The following HDAC9 variants were observed in gnomAD, a reference collection of about 807,000 sequenced individuals.
The protein encoded by HDAC9 is histone deacetylase 9, also known as MEF-2 interacting transcription repressor (MITR) protein.
Under a neutral mutation model 139.4 loss-of-function variants are expected in HDAC9, and 41 were observed. The observed-to-expected ratio is 0.29, with a 90% confidence interval of 0.23 to 0.38. The LOEUF is 0.38. HDAC9 is among the 10% of genes least tolerant of loss of function. The pLI is 1.00. For synonymous variants in HDAC9, 517 were observed against 476.2 expected (o/e 1.09, Z -1.12); for missense variants, 1,147 against 1,297.0 (o/e 0.88, Z 1.78).
rs114398387 is a variant in HDAC9, at chr7:18,816,023, C to T, written c.2323-13138C>T. Among the ~76,000 whole-genome samples the T allele has an allele frequency of 3.2e-3, 488 of 152,200 alleles. 3 individuals are homozygous for T. Among genetic ancestry groups the T allele is most frequent in the African/African-American group, 0.011 (454 of 41,534 alleles). ...GGTTTAGGGGCTATGTTAGCATATT[C>T]GGAAATATTATGCATATGGTAAACC... On this transcript the variant is annotated intron_variant, in intron 17 of 25. Transcript: ENST00000686413.
At chr7:18,898,167 A>ATTTATTGAGTT (rs1306026539) in intron 22 of HDAC9, among the ~76,000 whole-genome samples, 9 of 151,990 alleles carry the variant, frequency 5.9e-5, no homozygotes, top group Admixed American at 5.2e-4. Context: ...GTTTTAAAAC[A>ATTTATTGAGTT]TTTATTGAGT....
intron 2 of HDAC9, among the ~76,000 whole-genome samples, chr7:18,530,480 G>A (rs565781814): frequency 6.6e-6 from 1 of 151,850 alleles, no homozygotes; most frequent in African/African-American, 2.4e-5. Context: ...ATGCTGTGTA[G>A]CTCTAACAAA....
At chr7:18,798,150 AAAGAGT>A in intron 17 of HDAC9, among the ~76,000 whole-genome samples, 1 of 152,264 alleles carries the variant, frequency 6.6e-6, no homozygotes, top group Admixed American at 6.5e-5. Context: ...AGAGTATAAC[AAAGAGT>A]AAAACAGTCC....
chr7:18,943,077 A>G (rs1259725218), intron 23 of HDAC9, among the ~76,000 whole-genome samples: 1 of 152,090 alleles, frequency 6.6e-6, no homozygotes, highest in Non-Finnish European at 1.5e-5. Context: ...TGTCAAATTT[A>G]AACTTACTTG....
intron 11 of HDAC9, among the ~76,000 whole-genome samples, chr7:18,657,136 T>G (rs1791496582): frequency 6.6e-6 from 1 of 152,142 alleles, no homozygotes; most frequent in African/African-American, 2.4e-5. Context: ...TTATTAGATT[T>G]TTTTCCTGTT....
chr7:18,208,731 T>C lies in HDAC9; in HGVS notation c.25+46382T>C, dbSNP rs1378270883. 2.6e-5 allele frequency among the ~76,000 whole-genome samples: 4 copies of C among 151,752 alleles called. No individual in the cohort carries two copies. The East Asian group carries it at 7.7e-4, about 29-fold the overall frequency. ...ATCATTGATAAGATATAGAAAAAAA[T>C]TTAAAAAAAAATTTTATCTAGCTGT... On this transcript the variant is annotated intron_variant, in intron 2 of 12. Coordinates refer to the HDAC9 transcript ENST00000417496.
intron 21 of HDAC9, among the ~76,000 whole-genome samples, chr7:18,840,619 A>T (rs1044977046): frequency 3.9e-5 from 6 of 152,118 alleles, no homozygotes; most frequent in African/African-American, 1.4e-4. Context: ...TATTTTGGAC[A>T]TATCATTAAC....
At chr7:18,112,662 T>C (rs971088286) in intron 1 of HDAC9, among the ~76,000 whole-genome samples, 13 of 152,350 alleles carry the variant, frequency 8.5e-5, no homozygotes, top group African/African-American at 3.1e-4. Flanking sequence ...TTATATGTTT[T>C]ATTATTATTT....
chr7:18,711,157 A>G (rs1448129971), intron 12 of HDAC9, among the ~76,000 whole-genome samples: 1 of 152,196 alleles, frequency 6.6e-6, no homozygotes, highest in Non-Finnish European at 1.5e-5. Context: ...AAAATTTACA[A>G]ATTCAAAAGA....
intron 8 of HDAC9, among the ~76,000 whole-genome samples, chr7:18,638,152 C>T (rs1015273340): frequency 6.6e-6 from 1 of 152,018 alleles, no homozygotes; most frequent in Non-Finnish European, 1.5e-5. Flanking sequence ...GGTAAGTTTT[C>T]GTATTAAAGT....
rs529015362 is a variant in HDAC9, at chr7:18,374,823, T to C, written c.-42+84308T>C. 7.4e-4 allele frequency among the ~76,000 whole-genome samples: 112 copies of C among 152,052 alleles called. 1 individual carries two copies. Among genetic ancestry groups the C allele is most frequent in the Non-Finnish European group, 9.9e-4 (67 of 68,018 alleles). On this transcript the variant is annotated intron_variant, in intron 1 of 3. Coordinates refer to the HDAC9 transcript ENST00000413509. Reference sequence around the variant, plus strand: ...ATGTTTGGGTCAATGACAGATGGTATGTACAACAGTGGTCCCATAAGATTA... The same window carrying C: ...ATGTTTGGGTCAATGACAGATGGTACGTACAACAGTGGTCCCATAAGATTA...
chr7:18,713,992 C>T (rs1355050443), intron 12 of HDAC9, among the ~76,000 whole-genome samples: 4 of 152,110 alleles, frequency 2.6e-5, no homozygotes, highest in Admixed American at 2.0e-4. Flanking sequence ...ATACTATGAA[C>T]GTTTAAATAA....
chr7:18,255,412 A>T (rs1450718657), intron 2 of HDAC9, among the ~76,000 whole-genome samples: 1 of 152,172 alleles, frequency 6.6e-6, no homozygotes, highest in African/African-American at 2.4e-5. Flanking sequence ...TAGTCATGTG[A>T]CAGCCATAAG....
chr7:18,543,870 G>A (rs1038913718), intron 2 of HDAC9, among the ~76,000 whole-genome samples: 17 of 147,892 alleles, frequency 1.1e-4, no homozygotes, highest in South Asian at 4.3e-4. Flanking sequence ...TCCTGGACTC[G>A]TTCAGTGTAT....
intron 8 of HDAC9, among the ~76,000 whole-genome samples, chr7:18,640,771 G>T (rs1259661596): frequency 1.3e-5 from 2 of 151,928 alleles, no homozygotes; most frequent in Non-Finnish European, 2.9e-5. Context: ...CTTTATGGAT[G>T]CAGAAGTCCA....
chr7:18,825,011 T>G (rs1260357868), intron 17 of HDAC9, among the ~76,000 whole-genome samples: 1 of 152,212 alleles, frequency 6.6e-6, no homozygotes. Context: ...GTCTCTGACT[T>G]GAGCCACTGG....
At chr7:18,650,040 A>C (rs1012831275) in intron 11 of HDAC9, among the ~76,000 whole-genome samples, 3 of 152,124 alleles carry the variant, frequency 2.0e-5, no homozygotes, top group African/African-American at 7.2e-5. Flanking sequence ...TTTTATATCA[A>C]ATCAGTATCT....
chr7:18,967,292 A>T (rs564273889), intron 24 of HDAC9, among the ~76,000 whole-genome samples: 4 of 152,326 alleles, frequency 2.6e-5, no homozygotes, highest in African/African-American at 9.6e-5. Context: ...AAATTTTGTA[A>T]ATCAATTTTC....
At chr7:18,239,957 T>G (rs1444105547) in intron 2 of HDAC9, among the ~76,000 whole-genome samples, 1 of 151,116 alleles carries the variant, frequency 6.6e-6, no homozygotes, top group African/African-American at 2.4e-5. Context: ...CTGCATGTTT[T>G]TTTTTTTTTT....
Sources: allele counts gnomAD v4.1 joint callset (sites outside exome capture counted in the v4.1 genomes callset), GRCh38; gene constraint gnomAD v4.1.1; transcripts MANE v1.5; gene names NCBI Gene and HGNC (gene_info 2026-07-23, HGNC 2026-07-21).